The following WWOX variants were observed in gnomAD, a reference collection of about 807,000 sequenced individuals.
WWOX encodes WW domain containing oxidoreductase, also known as WW domain-containing oxidoreductase.
WWOX carries 69 observed loss-of-function variants against 46.2 expected under a neutral mutation model. That is an observed-to-expected ratio of 1.49 (90% confidence interval 1.23 to 1.82). The LOEUF (loss-of-function observed/expected upper bound fraction) is 1.82, where lower values mean the gene tolerates loss of function less well. WWOX is among the 40% of genes most tolerant of loss of function. The pLI is 0.00. For synonymous variants in WWOX, 359 were observed against 202.6 expected, an observed-to-expected ratio of 1.77 and a Z score of -6.56; for missense variants, 919 against 542.6, an observed-to-expected ratio of 1.69 and a Z score of -6.89.
intron 8 of WWOX, among the ~76,000 whole-genome samples, chr16:78,943,257 C>T (rs751769244): frequency 6.6e-6 from 1 of 151,592 alleles, no homozygotes; most frequent in Non-Finnish European, 1.5e-5. Context: ...TCCCGGGAGG[C>T]AGGCGTTATT....
At chr16:78,276,954 A>G (rs1450856734) in intron 5 of WWOX, among the ~76,000 whole-genome samples, 2 of 152,184 alleles carry the variant, frequency 1.3e-5, no homozygotes, top group Admixed American at 6.5e-5. Flanking sequence ...CTCATTTTAT[A>G]ACATTACATA....
At chr16:78,682,950 C>T (rs543948573) in intron 8 of WWOX, among the ~76,000 whole-genome samples, 59 of 152,140 alleles carry the variant, frequency 3.9e-4, no homozygotes, top group Middle Eastern at 6.8e-3. Context: ...GTGATTTCCC[C>T]GCGTAAATGA....
At chr16:78,633,222 A>C (rs990172955) in intron 8 of WWOX, among the ~76,000 whole-genome samples, 1 of 152,202 alleles carries the variant, frequency 6.6e-6, no homozygotes, top group Non-Finnish European at 1.5e-5. Flanking sequence ...AGATCGTGCC[A>C]CTGCGCTCCA....
At chr16:78,992,978 C>G (rs948586782) in intron 8 of WWOX, among the ~76,000 whole-genome samples, 2 of 151,700 alleles carry the variant, frequency 1.3e-5, no homozygotes, top group African/African-American at 4.8e-5. Context: ...TCAGTGACTT[C>G]CTCCCTCTCT....
intron 5 of WWOX, among the ~76,000 whole-genome samples, chr16:78,217,103 C>T (rs1002157191): frequency 1.3e-5 from 2 of 152,168 alleles, no homozygotes; most frequent in Non-Finnish European, 2.9e-5. Context: ...CGCAGTCTAC[C>T]ATATTCACGG....
chr16:78,931,299 A>G (rs576837449), intron 8 of WWOX, among the ~76,000 whole-genome samples: 32 of 152,178 alleles, frequency 2.1e-4, no homozygotes, highest in Non-Finnish European at 3.7e-4. Context: ...GAAACTCCCA[A>G]TCTGAACGGT....
intron 8 of WWOX, among the ~76,000 whole-genome samples, chr16:78,450,433 T>A (rs1175929458): frequency 6.6e-6 from 1 of 152,080 alleles, no homozygotes; most frequent in African/African-American, 2.4e-5. Context: ...CAGGGAATAA[T>A]AAACAGTCAG....
At chr16:78,619,971 T>C (rs1293314977) in intron 8 of WWOX, among the ~76,000 whole-genome samples, 1 of 152,132 alleles carries the variant, frequency 6.6e-6, no homozygotes, top group East Asian at 1.9e-4. Context: ...TCTGAGTTCC[T>C]GTAGCATGTG....
rs537414166 is a variant in WWOX, at chr16:78,514,366, A to G, written c.1056+81614A>G. 3.9e-5 allele frequency among the ~76,000 whole-genome samples: 6 copies of G among 152,348 alleles called. No individual in the cohort carries two copies. In the South Asian group the frequency reaches 1.2e-3, roughly 32 times the overall value. On this transcript the variant is annotated intron_variant, in intron 8 of 8. Coordinates refer to ENST00000566780, the MANE Select transcript of WWOX (RefSeq NM_016373.4). The stretch of plus-strand genomic sequence containing the variant: ...CTGCTTGAAAACAGCTTGTGAGTTC[A>G]CTATTAGGTCCATGAAATTTTTCTC...
At chr16:78,899,294 A>C (rs1352891230) in intron 8 of WWOX, 4 of 152,100 alleles carry the variant, frequency 2.6e-5, no homozygotes, top group African/African-American at 9.7e-5. Context: ...TATATGTTTT[A>C]TATTTTTCTT....
At chr16:78,653,178 C>T (rs572467641) in intron 8 of WWOX, among the ~76,000 whole-genome samples, 1 of 152,098 alleles carries the variant, frequency 6.6e-6, no homozygotes, top group African/African-American at 2.4e-5. Context: ...AAGAATTTCT[C>T]ATGTCATTAA....
At chr16:78,581,633 G>A (rs932884744) in intron 8 of WWOX, among the ~76,000 whole-genome samples, 3 of 152,038 alleles carry the variant, frequency 2.0e-5, no homozygotes, top group East Asian at 3.9e-4. Context: ...TCTCTTTCCC[G>A]TGGGCCCCTT....
intron 8 of WWOX, among the ~76,000 whole-genome samples, chr16:79,168,961 C>A (rs999665678): frequency 5.9e-5 from 9 of 152,126 alleles, no homozygotes; most frequent in African/African-American, 2.2e-4. Flanking sequence ...GAAAACTGGC[C>A]CACTGTAAAA....
chr16:78,330,030 A>T (rs1169534291), intron 5 of WWOX, among the ~76,000 whole-genome samples: 1 of 152,210 alleles, frequency 6.6e-6, no homozygotes, highest in Non-Finnish European at 1.5e-5. Flanking sequence ...ACTGGATTAC[A>T]GGCATGAGTC....
At chr16:78,297,935 C>G (rs953628383) in intron 5 of WWOX, among the ~76,000 whole-genome samples, 3 of 152,138 alleles carry the variant, frequency 2.0e-5, no homozygotes, top group Non-Finnish European at 4.4e-5. Flanking sequence ...TCCCCATGTG[C>G]TAGGGGGAGG....
intron 3 of WWOX, among the ~76,000 whole-genome samples, chr16:78,114,143 G>T (rs1472035579): frequency 6.1e-5 from 9 of 147,956 alleles, no homozygotes; most frequent in Non-Finnish European, 1.0e-4. Flanking sequence ...TGTCACCCAG[G>T]CTAGAGTGCA....
rs147527896 is a variant in WWOX at position 78,853,150 on chromosome 16, A to G, written c.1057-358458A>G. 2.4e-3 allele frequency among the ~76,000 whole-genome samples: 372 copies of G among 152,358 alleles called. 1 individual carries two copies. The highest frequency in any genetic ancestry group is 8.6e-3 in the African/African-American group (358 of 41,592). ...ATATGTTGTACTATACGTTATAACA[A>G]TATGTTAATATGTTGCCATGTATAG... On this transcript the variant is annotated intron_variant, in intron 8 of 8. Transcript: ENST00000566780.
At chr16:78,506,816 G>T (rs1299519816) in intron 8 of WWOX, among the ~76,000 whole-genome samples, 2 of 148,716 alleles carry the variant, frequency 1.3e-5, no homozygotes, top group Non-Finnish European at 3.0e-5. Flanking sequence ...AGGTTTAAGT[G>T]ATTCTCCTGC....
chr16:78,412,090 A>G (rs1381361964), intron 6 of WWOX, among the ~76,000 whole-genome samples: 2 of 152,170 alleles, frequency 1.3e-5, no homozygotes, highest in Admixed American at 6.5e-5. Flanking sequence ...CTCCAGAGGT[A>G]GTGCCTACCT....
Sources: gnomAD v4.1 joint callset for allele counts (sites outside exome capture counted in the v4.1 genomes callset) on GRCh38, gnomAD v4.1.1 for gene constraint, MANE v1.5 for transcripts, NCBI Gene and HGNC (gene_info 2026-07-23, HGNC 2026-07-21) for gene names.